Variants in MARCHF6 observed in about 807,000 individuals in gnomAD.
The protein encoded by MARCHF6 is E3 ubiquitin-protein ligase MARCHF6.
Under a neutral mutation model 133.7 loss-of-function variants are expected in MARCHF6, and 31 were observed. That is an observed-to-expected ratio of 0.23 (90% CI 0.17 to 0.31). The LOEUF (loss-of-function observed/expected upper bound fraction) is 0.31, where lower values mean the gene tolerates loss of function less well. MARCHF6 is among the 10% of genes least tolerant of loss of function. The pLI, the probability that MARCHF6 is intolerant of heterozygous loss-of-function variation, is 1.00. For missense variants in MARCHF6, 723 were observed against 1,121.6 expected (o/e 0.64, Z 5.08); for synonymous variants, 395 against 402.5 (o/e 0.98, Z 0.22).
At chr5:10,367,144 G>C (rs1333260996) in intron 1 of MARCHF6, among the ~76,000 whole-genome samples, 2 of 152,122 alleles carry the variant, frequency 1.3e-5, no homozygotes, top group Non-Finnish European at 2.9e-5. Flanking sequence ...TGTCAAGGTC[G>C]TCAGAAACAA....
intron 3 of MARCHF6, 42 bp from the exon 4 acceptor site, chr5:10,381,758 C>G: frequency 6.8e-7 from 1 of 1,474,124 alleles, no homozygotes; most frequent in South Asian, 1.3e-5. Flanking sequence ...AAGCTATTTT[C>G]GAATCTTCAT....
chr5:10,421,347 A>T (rs1311005512), intron 22 of MARCHF6, among the ~76,000 whole-genome samples: 2 of 152,198 alleles, frequency 1.3e-5, no homozygotes, highest in Non-Finnish European at 2.9e-5. Flanking sequence ...TGAAGTAGAG[A>T]TATTTGTTTT....
intron 6 of MARCHF6, 33 bp from the exon 7 acceptor site, chr5:10,391,509 G>A (rs1042883591): frequency 8.5e-7 from 1 of 1,174,372 alleles, no homozygotes; most frequent in Non-Finnish European, 1.2e-6. Context: ...CAGACAAGTG[G>A]ATCTAAATTT....
intron 18 of MARCHF6, 131 bp from the exon 19 acceptor site, chr5:10,411,202 A>G: frequency 1.4e-6 from 1 of 717,032 alleles, no homozygotes; most frequent in South Asian, 1.8e-5. Context: ...AAATTAGGTA[A>G]TAATGTGGTG....
At chr5:10,422,325 A>T (rs1739868247) in intron 22 of MARCHF6, among the ~76,000 whole-genome samples, 1 of 152,220 alleles carries the variant, frequency 6.6e-6, no homozygotes, top group Non-Finnish European at 1.5e-5. Flanking sequence ...GGCAGCATTG[A>T]TACAAAAACA....
At chr5:10,407,344 T>A in intron 17 of MARCHF6, 142 bp downstream of exon 17, 1 of 338,292 alleles carries the variant, frequency 3.0e-6, no homozygotes, top group Non-Finnish European at 5.2e-6. Context: ...TTTACCTTTA[T>A]TTTTATTATT....
chr5:10,403,231 GC>G (rs1738655019), intron 14 of MARCHF6, among the ~76,000 whole-genome samples, 175 bp from the exon 15 acceptor site: 1 of 152,120 alleles, frequency 6.6e-6, no homozygotes, highest in African/African-American at 2.4e-5. Flanking sequence ...TATATTTGAA[GC>G]AGTAGCCAAT....
intron 15 of MARCHF6, 106 bp downstream of exon 15, chr5:10,403,647 T>C: frequency 3.0e-6 from 3 of 994,094 alleles, no homozygotes; most frequent in South Asian, 4.2e-5. Flanking sequence ...CTAAATCATA[T>C]TCTCTACTAT....
chr5:10,372,791 C>T (rs1212932858), intron 1 of MARCHF6, among the ~76,000 whole-genome samples: 1 of 152,068 alleles, frequency 6.6e-6, no homozygotes, highest in African/African-American at 2.4e-5. Context: ...TCTTTAATAC[C>T]TATTTTAATG....
intron 1 of MARCHF6, among the ~76,000 whole-genome samples, chr5:10,358,577 T>A (rs772788376): frequency 6.6e-6 from 1 of 152,198 alleles, no homozygotes; most frequent in Non-Finnish European, 1.5e-5. Context: ...TTATTCTAAG[T>A]AATCTAGAGA....
At chr5:10,393,573 G>A (rs1414021240) in intron 7 of MARCHF6, among the ~76,000 whole-genome samples, 4 of 152,116 alleles carry the variant, frequency 2.6e-5, no homozygotes, top group African/African-American at 9.7e-5. Context: ...TAATACAGTA[G>A]CTCCTAACTA....
At chr5:10,403,381 C>A in intron 14 of MARCHF6, 26 bp from the exon 15 acceptor site, 1 of 1,601,600 alleles carries the variant, frequency 6.2e-7, no homozygotes, top group South Asian at 1.1e-5. Context: ...GCACAGATTT[C>A]TCTTACCTGT....
intron 14 of MARCHF6, 40 bp from the exon 15 acceptor site, chr5:10,403,366 AG>A (rs1439275101): frequency 6.3e-7 from 1 of 1,582,360 alleles, no homozygotes; most frequent in Admixed American, 1.9e-5. Context: ...TGGCAAATGT[AG>A]GGGGCACAGA....
chr5:10,390,575 T>A, intron 6 of MARCHF6, 75 bp downstream of exon 6: 4 of 1,348,750 alleles, frequency 3.0e-6, no homozygotes, highest in Non-Finnish European at 4.1e-6. Context: ...AGACTCAAAC[T>A]CTTGACTTCC....
chr5:10,435,623 CT>C lies in MARCHF6; in HGVS notation c.*1940del, dbSNP rs1740568045. The C allele has an allele frequency of 8.0e-5, 1 of 12,546 alleles. No individual in the cohort carries two copies. The highest frequency in any genetic ancestry group is 2.0e-4 in the African/African-American group (1 of 5,102). 0.8% of individuals were successfully genotyped at this position (12,546 alleles called of 1,614,324 possible). ...CATTATTATTGAATTGAGCATATAACTATATAACTATATAACTATATATATA... is the reference window on the plus strand; with the variant it reads ...CATTATTATTGAATTGAGCATATAACATATAACTATATAACTATATATATA... On this transcript the variant is annotated 3_prime_UTR_variant, in exon 26 of 26. Transcript: ENST00000274140.
intron 1 of MARCHF6, among the ~76,000 whole-genome samples, chr5:10,354,237 C>T (rs1376898095): frequency 6.6e-6 from 1 of 152,178 alleles, no homozygotes; most frequent in Admixed American, 6.5e-5. Flanking sequence ...AAAAGGGGGC[C>T]TCTGTCGCTG....
Position 10,430,062 on chromosome 5 carries a change from G to T in MARCHF6, c.2642+34G>T, listed in dbSNP as rs747394182. 7 of 1,585,492 alleles carry T rather than the reference G, an allele frequency of 4.4e-6. No homozygotes were observed. In the South Asian group the frequency reaches 5.6e-5, roughly 13 times the overall value. The stretch of plus-strand genomic sequence containing the variant: ...GGCGTTCTGTTCGTCTCTTGTTTAA[G>T]TGTTTTCACTTCTTAATTTATGTAT... On this transcript the variant is annotated intron_variant, in intron 25 of 25. Transcript: ENST00000274140.
At chr5:10,423,257 G>T (rs78898674) in intron 22 of MARCHF6, among the ~76,000 whole-genome samples, 2,871 of 152,178 alleles carry the variant, frequency 0.019, 93 homozygotes, top group African/African-American at 0.066. Context: ...GTTGCACCAT[G>T]AGGAGGAACC....
chr5:10,387,122 T>G, intron 5 of MARCHF6, 56 bp downstream of exon 5: 1 of 1,253,090 alleles, frequency 8.0e-7, no homozygotes, highest in South Asian at 1.4e-5. Flanking sequence ...GCTTGCTTTT[T>G]TCCTTGCATA....
Sources: allele counts gnomAD v4.1 joint callset (sites outside exome capture counted in the v4.1 genomes callset), GRCh38; gene constraint gnomAD v4.1.1; transcripts MANE v1.5; gene names NCBI Gene and HGNC (gene_info 2026-07-23, HGNC 2026-07-21).